The following ARHGEF7 variants were observed in gnomAD, a reference collection of about 807,000 sequenced individuals.
ARHGEF7 encodes the protein Rho guanine nucleotide exchange factor 7.
A neutral mutation model predicts 109.8 loss-of-function variants in ARHGEF7; 33 were observed. That is an observed-to-expected ratio of 0.30 (90% CI 0.23 to 0.40). The LOEUF (loss-of-function observed/expected upper bound fraction) is 0.40, where lower values mean the gene tolerates loss of function less well. Among genes scored for constraint, ARHGEF7 ranks in the 10% least tolerant of loss-of-function variants. The probability of loss-of-function intolerance (pLI) is 1.00; values close to 1 mark genes in which losing one functional copy is unlikely to be tolerated. For synonymous variants in ARHGEF7, 458 were observed against 424.6 expected (o/e 1.08, Z -0.97); for missense variants, 938 against 1,098.5 (o/e 0.85, Z 2.07).
chr13:111,204,952 A>G (rs977469648), intron 2 of ARHGEF7, among the ~76,000 whole-genome samples: 1 of 149,666 alleles, frequency 6.7e-6, no homozygotes, highest in African/African-American at 2.5e-5. Context: ...GGAGAGGAGG[A>G]TTGCGCAAGC....
At chr13:111,275,745 T>C in intron 12 of ARHGEF7, 67 bp downstream of exon 12, 3 of 1,592,896 alleles carry the variant, frequency 1.9e-6, no homozygotes, top group Non-Finnish European at 2.6e-6. Context: ...GCAGAAGATT[T>C]TAAAGGCATC....
intron 19 of ARHGEF7, chr13:111,292,640 T>C: frequency 8.6e-7 from 1 of 1,161,784 alleles, no homozygotes; most frequent in Non-Finnish European, 1.1e-6. Context: ...GTTTGATTTC[T>C]TTCTGGATAC....
Position 111,300,830 on chromosome 13 carries a change from G to C in ARHGEF7, c.2394G>C (p.Gln798His). The part of the protein sequence containing the change: ...IIVEETKSNG[Q>H]TVIEEKSLVD... ...TGGAAGAAACTAAAAGTAATGGTCA[G>C]ACAGTGATAGAAGAAAAGTAAGATG... The change falls in exon 20 of 22, where the codon CAG becomes CAC. Residue 798 changes from glutamine to histidine, a missense_variant. Physicochemically the swap from Gln to His is conservative, Grantham distance 24 (BLOSUM62 0). Coordinates refer to ENST00000646102, the MANE Select transcript of ARHGEF7 (RefSeq NM_001354046.2). 1 of 1,601,704 alleles carries C rather than the reference G, an allele frequency of 6.2e-7. No homozygotes were observed. The highest frequency in any genetic ancestry group is 1.1e-5 in the South Asian group (1 of 89,664).
chr13:111,115,273 G>T, upstream of ARHGEF7: 1 of 148,428 alleles, frequency 6.7e-6, no homozygotes, highest in South Asian at 1.9e-4. Flanking sequence ...GTCATTGGGC[G>T]ACGGCGGCCG....
At chr13:111,223,176 C>T (rs947147286) in intron 5 of ARHGEF7, among the ~76,000 whole-genome samples, 1 of 152,082 alleles carries the variant, frequency 6.6e-6, no homozygotes, top group Admixed American at 6.5e-5. Context: ...TAAGGGTGGG[C>T]GGCTATATTG....
intron 19 of ARHGEF7, chr13:111,292,785 GT>G: frequency 1.0e-6 from 1 of 997,518 alleles, no homozygotes; most frequent in Non-Finnish European, 1.2e-6. Flanking sequence ...TGATCAAGTA[GT>G]TGTGGAGAGA....
intron 5 of ARHGEF7, among the ~76,000 whole-genome samples, chr13:111,225,328 C>T (rs912348527): frequency 1.3e-5 from 2 of 152,082 alleles, no homozygotes; most frequent in South Asian, 2.1e-4. Context: ...AGCCAGTAGA[C>T]GGAAGAGCTC....
chr13:111,221,533 CTA>C lies in ARHGEF7; in HGVS notation c.670+3660_670+3661del, dbSNP rs559489504. ...TATATAGATATATATCTATATATAT[CTA>C]TATATAGATACATATCTATATATCT... On this transcript the variant is annotated intron_variant, in intron 5 of 21. Transcript: ENST00000646102. 1.2e-4 allele frequency among the ~76,000 whole-genome samples: 4 copies of C among 33,810 alleles called. No homozygotes were observed. The South Asian group carries it at 3.5e-3, about 30-fold the overall frequency. 22.2% of individuals were successfully genotyped at this position (33,810 alleles called of 152,430 possible).
chr13:111,195,217 C>G (rs1306522894), intron 2 of ARHGEF7, among the ~76,000 whole-genome samples: 1 of 152,184 alleles, frequency 6.6e-6, no homozygotes, highest in African/African-American at 2.4e-5. Flanking sequence ...TCCAGATTGT[C>G]TTTCCAATGC....
chr13:111,189,334 A>G (rs2079596398), intron 2 of ARHGEF7, among the ~76,000 whole-genome samples: 1 of 151,822 alleles, frequency 6.6e-6, no homozygotes, highest in Non-Finnish European at 1.5e-5. Context: ...TTGTTCCTTC[A>G]GATGTTCAGA....
intron 18 of ARHGEF7, among the ~76,000 whole-genome samples, chr13:111,289,174 G>A (rs2093159865): frequency 6.6e-6 from 1 of 152,124 alleles, no homozygotes; most frequent in Admixed American, 6.5e-5. Context: ...TGGGATTACA[G>A]GTGCGCACCA....
intron 2 of ARHGEF7, 58 bp downstream of exon 2, chr13:111,154,049 G>A: frequency 6.6e-7 from 1 of 1,507,528 alleles, no homozygotes; most frequent in Non-Finnish European, 8.9e-7. Flanking sequence ...TTGGGCCCGG[G>A]GTGGGTGCTT....
At chr13:111,162,961 TGAG>T (rs2076859360) in intron 2 of ARHGEF7, among the ~76,000 whole-genome samples, 3 of 152,192 alleles carry the variant, frequency 2.0e-5, no homozygotes, top group Admixed American at 6.5e-5. Context: ...TTCAGACAGA[TGAG>T]GAGGTAAACT....
chr13:111,199,062 A>G (rs1364355240), intron 2 of ARHGEF7, among the ~76,000 whole-genome samples: 1 of 152,172 alleles, frequency 6.6e-6, no homozygotes, highest in Non-Finnish European at 1.5e-5. Flanking sequence ...TAGACAGAAA[A>G]GTTCTGCAGG....
intron 8 of ARHGEF7, 149 bp from the exon 9 acceptor site, chr13:111,267,399 A>G (rs2091746623): frequency 2.0e-6 from 2 of 995,722 alleles, no homozygotes; most frequent in Non-Finnish European, 2.9e-6. Flanking sequence ...CAAGGCAGCA[A>G]CACATGTGTG....
intron 1 of ARHGEF7, among the ~76,000 whole-genome samples, chr13:111,139,341 GTC>G (rs1208602994): frequency 6.6e-6 from 1 of 152,130 alleles, no homozygotes; most frequent in Non-Finnish European, 1.5e-5. Flanking sequence ...CTCCCTCTGT[GTC>G]TCTCTGTGAC....
At chr13:111,127,218 C>T (rs892805597) in intron 1 of ARHGEF7, among the ~76,000 whole-genome samples, 14 of 152,190 alleles carry the variant, frequency 9.2e-5, no homozygotes, top group Admixed American at 7.2e-4. Flanking sequence ...AAATTGATAA[C>T]TTTAATAACC....
Position 111,153,889 on chromosome 13 carries a change from G to C in ARHGEF7, c.166-16G>C, listed in dbSNP as rs754610910. On this transcript the variant is annotated splice_polypyrimidine_tract_variant and intron_variant, in intron 1 of 21. Coordinates refer to ENST00000646102, the MANE Select transcript of ARHGEF7 (RefSeq NM_001354046.2). ...CTGCCGGCCACGGCGCTCAGCGCTT[G>C]TGCTCTGTATTGCAGGTCTACCCCG... 1 of 1,593,914 alleles carries C rather than the reference G, an allele frequency of 6.3e-7. No individual in the cohort carries two copies. Among genetic ancestry groups the C allele is most frequent in the Admixed American group, 1.7e-5 (1 of 58,764 alleles).
At chr13:111,183,396 T>A (rs1243370975) in intron 2 of ARHGEF7, among the ~76,000 whole-genome samples, 2 of 152,146 alleles carry the variant, frequency 1.3e-5, no homozygotes. Flanking sequence ...TATAAGCTTA[T>A]TTTTTTCTAT....
Sources: allele counts gnomAD v4.1 joint callset (sites outside exome capture counted in the v4.1 genomes callset), GRCh38; gene constraint gnomAD v4.1.1; transcripts MANE v1.5; gene names NCBI Gene and HGNC (gene_info 2026-07-23, HGNC 2026-07-21).